ZMYND8: variants seen among roughly 807,000 people sequenced by gnomAD.
The protein encoded by ZMYND8 is zinc finger MYND-type containing 8, also known as MYND-type zinc finger-containing chromatin reader ZMYND8.
In ZMYND8, 37 loss-of-function variants were observed where a neutral mutation model predicts 140.8. The observed-to-expected ratio is 0.26, with a 90% CI of 0.20 to 0.35. ZMYND8 has a LOEUF of 0.35. Among genes scored for constraint, ZMYND8 ranks in the 10% least tolerant of loss-of-function variants. The pLI is 1.00. For synonymous variants in ZMYND8, 592 were observed against 597.1 expected, an observed-to-expected ratio of 0.99 and a Z score of 0.12; for missense variants, 1,068 against 1,570.0, an observed-to-expected ratio of 0.68 and a Z score of 5.40.
intron 10 of ZMYND8, among the ~76,000 whole-genome samples, chr20:47,278,504 T>C (rs955910999): frequency 4.6e-5 from 7 of 152,190 alleles, no homozygotes; most frequent in African/African-American, 1.7e-4. Context: ...AGACTTCTTA[T>C]GTTACATTTT....
intron 5 of ZMYND8, among the ~76,000 whole-genome samples, chr20:47,292,888 C>G (rs2077356354): frequency 6.6e-6 from 1 of 151,382 alleles, no homozygotes; most frequent in Non-Finnish European, 1.5e-5. Flanking sequence ...CCTGTCATTA[C>G]AAAAAATAAT....
In ZMYND8 at chr20:47,282,137, C is replaced by G. The variant is rs758873438; in HGVS notation, c.963G>C (p.Gly321=). 6.2e-7 allele frequency: 1 copy of G among 1,613,968 alleles called. No homozygotes were observed. The highest frequency in any genetic ancestry group is 8.5e-7 in the Non-Finnish European group (1 of 1,179,942). The change falls in exon 10 of 23, where the codon GGG becomes GGC. Residue 321 remains glycine, a synonymous_variant. Coordinates refer to ENST00000471951, the MANE Select transcript of ZMYND8 (RefSeq NM_001281775.3). ...WPAKALRDKD[G]QVDARFFGQH... is the part of the protein sequence containing the mutation. Reference sequence around the variant, plus strand: ...GTCCAAAGAATCGGGCATCGACCTGCCCGTCTTTATCCCTTAGAGCTTTTG... The same window carrying G: ...GTCCAAAGAATCGGGCATCGACCTGGCCGTCTTTATCCCTTAGAGCTTTTG...
At position 47,276,301 on chromosome 20, in the gene ZMYND8, G is replaced by A. The variant is rs773420626; in HGVS notation, c.1480+13C>T. 11 of 1,521,392 alleles carry A rather than the reference G, an allele frequency of 7.2e-6. No individual in the cohort carries two copies. Among genetic ancestry groups the A allele is most frequent in the South Asian group, 5.1e-5 (4 of 78,678 alleles). The allele number at this position is 1,521,392 out of a possible 1,614,324, so 94.2% of individuals were successfully genotyped here. A position where few individuals can be genotyped will look rare whatever the true frequency, so the allele number is the denominator to read the frequency against. ...CAAGGGGCCTCCTCCCCGCTCCCCC[G>A]CACGGAGCTGACCTGTGCTCTTATC... On this transcript the variant is annotated intron_variant, in intron 11 of 22. Coordinates refer to ENST00000471951, the MANE Select transcript of ZMYND8 (RefSeq NM_001281775.3).
chr20:47,322,663 C>G (rs2080073117), intron 2 of ZMYND8, among the ~76,000 whole-genome samples: 1 of 152,000 alleles, frequency 6.6e-6, no homozygotes, highest in Non-Finnish European at 1.5e-5. Flanking sequence ...CCTGCCTCGG[C>G]CTCCCAAAGT....
chr20:47,211,099 G>T (rs187545331), intron 22 of ZMYND8, among the ~76,000 whole-genome samples: 1 of 152,090 alleles, frequency 6.6e-6, no homozygotes, highest in Non-Finnish European at 1.5e-5. Flanking sequence ...AGGATTTAAC[G>T]ACAACCGGTT....
intron 2 of ZMYND8, among the ~76,000 whole-genome samples, chr20:47,342,158 G>A (rs2081949621): frequency 1.3e-5 from 2 of 151,104 alleles, no homozygotes; most frequent in African/African-American, 4.9e-5. Flanking sequence ...GGCAACAGAG[G>A]GAAACTCCAT....
rs746392190 is a variant in ZMYND8 at position 47,276,578 on chromosome 20, C to T, written c.1216G>A (p.Ala406Thr). 97 of 1,613,714 alleles carry T rather than the reference C, an allele frequency of 6.0e-5. No homozygotes were observed. The highest frequency in any genetic ancestry group is 7.7e-5 in the Non-Finnish European group (91 of 1,180,024). ...TGCTTGTCTATCTTGGCAGTGCCGG[C>T]GCTGGGGTTGGTGGGATCGAGCAGC... ...QMLLDPTNPS[A>T]GTAKIDKQEK... Residue 406 changes from alanine (A) to threonine (T), a missense_variant, in exon 11 of 23, where the codon GCC (alanine) becomes ACC (threonine). By Grantham distance (58) the Ala-to-Thr change is moderately conservative (BLOSUM62 0). Around this residue, in one of 10 missense-constraint regions of ZMYND8, gnomAD observed 49 missense variants for 94.1 expected, o/e 0.52. Transcript: ENST00000471951.
intron 2 of ZMYND8, among the ~76,000 whole-genome samples, chr20:47,310,520 A>G (rs56100328): frequency 0.16 from 23,967 of 152,124 alleles, 2,496 homozygotes; most frequent in African/African-American, 0.29. Flanking sequence ...TAGGAGGGCC[A>G]GGCACGGTGG....
At chr20:47,315,558 C>A (rs1601853150) in intron 2 of ZMYND8, among the ~76,000 whole-genome samples, 2 of 152,168 alleles carry the variant, frequency 1.3e-5, no homozygotes, top group East Asian at 1.9e-4. Flanking sequence ...GGGGCTGGGC[C>A]TCTGGTGATG....
At chr20:47,213,314 T>G (rs1228221404) in intron 21 of ZMYND8, among the ~76,000 whole-genome samples, 3 of 151,356 alleles carry the variant, frequency 2.0e-5, no homozygotes, top group African/African-American at 7.3e-5. Context: ...ATGAAAGGAG[T>G]CTCCGTAAAC....
intron 2 of ZMYND8, among the ~76,000 whole-genome samples, chr20:47,330,681 T>A (rs1357783586): frequency 6.6e-6 from 1 of 152,112 alleles, no homozygotes; most frequent in Admixed American, 6.6e-5. Flanking sequence ...AGGCCACCAG[T>A]CGCTTTGCAG....
intron 8 of ZMYND8, 104 bp downstream of exon 8, chr20:47,287,125 A>G: frequency 9.4e-7 from 1 of 1,060,338 alleles, no homozygotes; most frequent in South Asian, 1.3e-5. Flanking sequence ...ACAAATTCCA[A>G]AATCACCTCG....
At chr20:47,299,197 C>G in intron 3 of ZMYND8, among the ~76,000 whole-genome samples, 1 of 152,158 alleles carries the variant, frequency 6.6e-6, no homozygotes, top group East Asian at 1.9e-4. Context: ...CAAGGCAGCC[C>G]TAGCAGAATG....
At chr20:47,290,431 C>T (rs994818323) in intron 6 of ZMYND8, among the ~76,000 whole-genome samples, 157 bp from the exon 7 acceptor site, 2 of 152,130 alleles carry the variant, frequency 1.3e-5, no homozygotes. Flanking sequence ...ACCTACAACA[C>T]CCCGACTAAA....
chr20:47,335,436 T>C (rs1279008912), intron 2 of ZMYND8, among the ~76,000 whole-genome samples: 1 of 151,982 alleles, frequency 6.6e-6, no homozygotes, highest in African/African-American at 2.4e-5. Context: ...CCCACAGCCA[T>C]GACACCTGGT....
chr20:47,354,776 G>A (rs1385900411), intron 1 of ZMYND8: 1 of 152,148 alleles, frequency 6.6e-6, no homozygotes, highest in African/African-American at 2.4e-5. Flanking sequence ...TGAACTTCTA[G>A]GGAAATTCTG....
intron 9 of ZMYND8, among the ~76,000 whole-genome samples, chr20:47,283,126 A>G (rs1248862500): frequency 6.6e-6 from 1 of 152,178 alleles, no homozygotes; most frequent in East Asian, 1.9e-4. Flanking sequence ...AGGCAGATCC[A>G]CAGGGAAACT....
chr20:47,260,724 TTGGTGTGAACTGCCTCTCA>T lies in ZMYND8; in HGVS notation c.1621+1545_1621+1563del, dbSNP rs1239045408. On this transcript the variant is annotated intron_variant, in intron 12 of 22. Coordinates refer to ENST00000471951, the MANE Select transcript of ZMYND8 (RefSeq NM_001281775.3). ...GACATCCATCATGGTGTGAACTATC[TTGGTGTGAACTGCCTCTCA>T]TGGTGTGAACTGCCTTGTTATTTGC... Among the ~76,000 whole-genome samples the T allele has an allele frequency of 7.2e-5, 11 of 152,212 alleles. No individual in the cohort carries two copies. In the East Asian group the frequency reaches 7.7e-4, roughly 11 times the overall value.
At chr20:47,275,838 A>T (rs533933129) in intron 11 of ZMYND8, among the ~76,000 whole-genome samples, 1 of 152,256 alleles carries the variant, frequency 6.6e-6, no homozygotes, top group Non-Finnish European at 1.5e-5. Flanking sequence ...GGAACTCCCA[A>T]GCTAAAGCAA....
Sources: gnomAD v4.1 joint callset for allele counts (sites outside exome capture counted in the v4.1 genomes callset) on GRCh38, gnomAD v4.1.1 for gene constraint, gnomAD v4.1.1 regional missense constraint, MANE v1.5 for transcripts, NCBI Gene and HGNC (gene_info 2026-07-23, HGNC 2026-07-21) for gene names.